STX7: variants seen among roughly 807,000 people sequenced by gnomAD.
The protein encoded by STX7 is syntaxin-7.
Under a neutral mutation model 39.6 loss-of-function variants are expected in STX7, and 34 were observed. The ratio of observed to expected loss-of-function variants is 0.86; its 90% CI spans 0.65 to 1.14. The LOEUF (loss-of-function observed/expected upper bound fraction) is 1.14, where lower values mean the gene tolerates loss of function less well. Ranked by LOEUF, STX7 falls within the 50% of genes most tolerant of loss-of-function variation. The pLI is 0.00. For synonymous variants in STX7, 119 were observed against 99.1 expected, an observed-to-expected ratio of 1.20 and a Z score of -1.19; for missense variants, 284 against 310.4, an observed-to-expected ratio of 0.92 and a Z score of 0.64.
chr6:132,487,261 T>A (rs1247686362), intron 2 of STX7, among the ~76,000 whole-genome samples: 3 of 152,154 alleles, frequency 2.0e-5, no homozygotes, highest in African/African-American at 7.2e-5. Context: ...AACTTTATTG[T>A]CATAAAGTTG....
chr6:132,463,958 A>T (rs772887652), intron 9 of STX7, 35 bp downstream of exon 9: 1 of 1,599,974 alleles, frequency 6.3e-7, no homozygotes, highest in Admixed American at 1.7e-5. Flanking sequence ...TACGAAAAGG[A>T]TAAGTTATAA....
At chr6:132,489,176 G>C (rs910338297) in intron 2 of STX7, among the ~76,000 whole-genome samples, 10 of 142,748 alleles carry the variant, frequency 7.0e-5, no homozygotes, top group African/African-American at 2.7e-4. Flanking sequence ...ACTCCAGCCT[G>C]GGCAACAGAG....
At chr6:132,509,475 A>G (rs1775789736) in intron 1 of STX7, among the ~76,000 whole-genome samples, 2 of 82,114 alleles carry the variant, frequency 2.4e-5, no homozygotes, top group African/African-American at 8.6e-5. Flanking sequence ...AACATAACAT[A>G]ACATAACATA....
Position 132,503,481 on chromosome 6 carries a change from C to T in STX7, c.50G>A (p.Arg17Lys). The T allele has an allele frequency of 6.2e-7, 1 of 1,614,024 alleles. No homozygotes were observed. The highest frequency in any genetic ancestry group is 8.5e-7 in the Non-Finnish European group (1 of 1,179,940). The part of the protein sequence containing the change: ...VGGDPAQLAQ[R>K]ISSNIQKITQ... ...GATCTTCTGGATGTTAGAAGAGATC[C>T]TCTGGGCCAACTGGGCGGGGTCACC... The change falls in exon 2 of 10, where the codon AGG (arginine) becomes AAG (lysine). Residue 17 changes from arginine to lysine, a missense_variant. Physicochemically the swap from Arg to Lys is conservative, Grantham distance 26. Transcript: ENST00000367941.
In STX7 at chr6:132,494,129, G is replaced by A. The variant is rs115318400; in HGVS notation, c.85+9317C>T. Among the ~76,000 whole-genome samples, 146 of 152,120 alleles carry A rather than the reference G, an allele frequency of 9.6e-4. 2 individuals carry two copies. Among genetic ancestry groups the A allele is most frequent in the African/African-American group, 3.3e-3 (138 of 41,498 alleles). ...GCACCACAAATGGTTAGGTTCTCAG[G>A]TTTTTAAACATATACACTTAGGATA... On this transcript the variant is annotated intron_variant, in intron 2 of 9. Transcript: ENST00000367941.
chr6:132,477,957 T>C (rs6569801), intron 2 of STX7, among the ~76,000 whole-genome samples: 103,293 of 152,054 alleles, frequency 0.68, 36,607 homozygotes, highest in African/African-American at 0.87. Flanking sequence ...TAAACTTTTA[T>C]GTTTCTGATT....
intron 2 of STX7, among the ~76,000 whole-genome samples, chr6:132,501,885 A>C (rs983316580): frequency 1.3e-5 from 2 of 152,082 alleles, no homozygotes; most frequent in Non-Finnish European, 2.9e-5. Context: ...ATTAAAAAAA[A>C]AAAAGAAAAG....
At position 132,450,569 on chromosome 6, in the gene STX7, C is replaced by A. The variant is rs1483661916; in HGVS notation, c.*10189G>T. The stretch of plus-strand genomic sequence containing the variant: ...TCTTCTATAGTATAGGTTTATACTC[C>A]AGGGGTCAACCAACATTTTCGGTAA... On this transcript the variant is annotated 3_prime_UTR_variant, in exon 10 of 10. Transcript: ENST00000367941. 4.6e-5 allele frequency: 7 copies of A among 151,482 alleles called. No homozygotes were observed. Among genetic ancestry groups the A allele is most frequent in the Non-Finnish European group, 7.4e-5 (5 of 67,912 alleles). 9.4% of individuals were successfully genotyped at this position (151,482 alleles called of 1,614,324 possible).
intron 2 of STX7, among the ~76,000 whole-genome samples, chr6:132,498,387 G>A (rs1775470647): frequency 6.6e-6 from 1 of 151,982 alleles, no homozygotes; most frequent in African/African-American, 2.4e-5. Context: ...CAAAAAAATG[G>A]TTTAAAAATA....
chr6:132,485,347 C>A (rs1775107626), intron 2 of STX7, among the ~76,000 whole-genome samples: 1 of 152,178 alleles, frequency 6.6e-6, no homozygotes, highest in Non-Finnish European at 1.5e-5. Flanking sequence ...TTTTATGATT[C>A]ATCCATGCTG....
intron 1 of STX7, among the ~76,000 whole-genome samples, chr6:132,505,762 A>C (rs923366697): frequency 2.2e-5 from 3 of 135,902 alleles, no homozygotes; most frequent in Non-Finnish European, 4.8e-5. Flanking sequence ...AAAAAAAAAA[A>C]AACACAGGTT....
chr6:132,493,580 C>T (rs895263245), intron 2 of STX7, among the ~76,000 whole-genome samples: 4 of 152,316 alleles, frequency 2.6e-5, no homozygotes, highest in Non-Finnish European at 4.4e-5. Context: ...CTTCGTCTTC[C>T]GCCATGATTG....
At position 132,458,826 on chromosome 6, in the gene STX7, T is replaced by C. The variant is rs1392187415; in HGVS notation, c.*1932A>G. 5 of 152,188 alleles carry C rather than the reference T, an allele frequency of 3.3e-5. No homozygotes were observed. Among genetic ancestry groups the C allele is most frequent in the Admixed American group, 3.3e-4 (5 of 15,274 alleles). 9.4% of individuals were successfully genotyped at this position (152,188 alleles called of 1,614,324 possible). On this transcript the variant is annotated 3_prime_UTR_variant, in exon 10 of 10. Transcript: ENST00000367941. ...AGTTCCTGTTTAAACCACTGATAAC[T>C]GCCCCAGTTAAAATAATAATAATTT...
intron 2 of STX7, among the ~76,000 whole-genome samples, chr6:132,491,683 C>T (rs1281859929): frequency 6.6e-6 from 1 of 152,132 alleles, no homozygotes; most frequent in South Asian, 2.1e-4. Flanking sequence ...CTGTCCTCCA[C>T]CCTCCCTCAG....
chr6:132,503,590 T>A lies in STX7; in HGVS notation c.-58-2A>T. The A allele has an allele frequency of 7.7e-7, 1 of 1,304,624 alleles. No individual in the cohort carries two copies. Among genetic ancestry groups the A allele is most frequent in the Non-Finnish European group, 1.1e-6 (1 of 910,020 alleles). The allele number at this position is 1,304,624 out of a possible 1,614,324, so 80.8% of individuals were successfully genotyped here. A position where few individuals can be genotyped will look rare whatever the true frequency, so the allele number is the denominator to read the frequency against. Reference sequence around the variant, plus strand: ...CTGTGCAGTTTTCTAAGCAGTCACCTAAATAATATAAAAGTCACACAGATA... The same window carrying A: ...CTGTGCAGTTTTCTAAGCAGTCACCAAAATAATATAAAAGTCACACAGATA... On this transcript the variant is annotated splice_acceptor_variant, in intron 1 of 9. Coordinates refer to ENST00000367941, the MANE Select transcript of STX7 (RefSeq NM_003569.3). LOFTEE classifies it low-confidence loss of function (5UTR_SPLICE).
Position 132,471,591 on chromosome 6 carries a change from T to C in STX7, c.259A>G (p.Lys87Glu). 6.2e-7 allele frequency: 1 copy of C among 1,612,020 alleles called. No homozygotes were observed. The highest frequency in any genetic ancestry group is 8.5e-7 in the Non-Finnish European group (1 of 1,179,350). Residue 87 changes from lysine to glutamate, a missense_variant, in exon 5 of 10, where the codon AAA becomes GAA. Transcript: ENST00000367941. ...GCCACTAAGCGATCCTTCTGTATTT[T>C]CCTTTGACGCTAGAGGAAAGAGAAG... ...PTTPSEQRQR[K>E]IQKDRLVAEF...
chr6:132,499,911 C>T (rs1055546727), intron 2 of STX7, among the ~76,000 whole-genome samples: 2 of 152,190 alleles, frequency 1.3e-5, no homozygotes, highest in Non-Finnish European at 2.9e-5. Context: ...TAGTCCCTCC[C>T]GTTTCAGTAC....
chr6:132,476,449 A>G (rs1284985120), intron 2 of STX7, among the ~76,000 whole-genome samples: 1 of 152,168 alleles, frequency 6.6e-6, no homozygotes, highest in African/African-American at 2.4e-5. Context: ...ATGTCACAAA[A>G]GGGAAAAAAA....
chr6:132,463,024 C>A (rs1290174529), intron 9 of STX7, among the ~76,000 whole-genome samples: 1 of 152,000 alleles, frequency 6.6e-6, no homozygotes, highest in Non-Finnish European at 1.5e-5. Flanking sequence ...GAGTTCCAGA[C>A]CAGCCTGGGC....
Sources: allele counts gnomAD v4.1 joint callset (sites outside exome capture counted in the v4.1 genomes callset), GRCh38; gene constraint gnomAD v4.1.1; transcripts MANE v1.5; gene names NCBI Gene and HGNC (gene_info 2026-07-23, HGNC 2026-07-21).